ITPR1: variants seen among roughly 807,000 people sequenced by gnomAD.
The protein encoded by ITPR1 is inositol 1,4,5-trisphosphate-gated calcium channel ITPR1.
Under a neutral mutation model 318.4 loss-of-function variants are expected in ITPR1, and 96 were observed. The ratio of observed to expected loss-of-function variants is 0.30; its 90% CI spans 0.26 to 0.36. ITPR1 has a LOEUF of 0.36. Ranked by LOEUF, ITPR1 falls within the 10% of genes least tolerant of loss-of-function variation. ITPR1 has a pLI of 1.00. For synonymous variants in ITPR1, 1,312 were observed against 1,289.9 expected (o/e 1.02, Z -0.37); for missense variants, 2,440 against 3,460.2 (o/e 0.71, Z 7.40).
chr3:4,547,682 C>A (rs1358873203), intron 4 of ITPR1, among the ~76,000 whole-genome samples: 1 of 152,156 alleles, frequency 6.6e-6, no homozygotes, highest in Non-Finnish European at 1.5e-5. Flanking sequence ...TTAGGAGTCT[C>A]GTAGGCACAT....
chr3:4,715,862 A>G (rs2041728091), intron 39 of ITPR1, among the ~76,000 whole-genome samples: 1 of 152,154 alleles, frequency 6.6e-6, no homozygotes, highest in African/African-American at 2.4e-5. Context: ...CAAAACAACA[A>G]CGACAACAAA....
Position 4,788,106 on chromosome 3 carries a change from T to C in ITPR1, c.6775T>C (p.Phe2259Leu), listed in dbSNP as rs1331712261. ...NDFFLRSEDL[F>L]NEMNWQKKLR... ...TTTCTTTCTGCGGTCTGAAGACCTCTTCAATGAAATGAATTGGCAGAAGAA... is the reference window on the plus strand; with the variant it reads ...TTTCTTTCTGCGGTCTGAAGACCTCCTCAATGAAATGAATTGGCAGAAGAA... The change falls in exon 52 of 62, where the codon TTC becomes CTC. Residue 2259 changes from phenylalanine to leucine, a missense_variant. Phe to Leu is a conservative substitution (Grantham distance 22, BLOSUM62 0). Coordinates refer to ENST00000649015, the MANE Select transcript of ITPR1 (RefSeq NM_001378452.1). 1 of 1,607,802 alleles carries C rather than the reference T, an allele frequency of 6.2e-7. No individual in the cohort carries two copies. Among genetic ancestry groups the C allele is most frequent in the South Asian group, 1.1e-5 (1 of 89,486 alleles).
At chr3:4,727,296 T>C in intron 42 of ITPR1, 123 bp downstream of exon 42, 1 of 646,312 alleles carries the variant, frequency 1.5e-6, no homozygotes, top group Non-Finnish European at 2.6e-6. Flanking sequence ...ATTAATTGAC[T>C]CAAGAGCAAT....
At chr3:4,681,523 G>A (rs574461449) in intron 26 of ITPR1, 105 bp downstream of exon 26, 13 of 799,914 alleles carry the variant, frequency 1.6e-5, no homozygotes, top group Non-Finnish European at 2.5e-5. Flanking sequence ...CTGGGCTTAG[G>A]TTGTTTTGGT....
rs569391787 is a variant in ITPR1 at position 4,774,146 on chromosome 3, A to G, written c.5980-1096A>G. Among the ~76,000 whole-genome samples, 4 of 152,370 alleles carry G rather than the reference A, an allele frequency of 2.6e-5. No homozygotes were observed. The East Asian group carries it at 7.7e-4, about 29-fold the overall frequency. On this transcript the variant is annotated intron_variant, in intron 46 of 61. Transcript: ENST00000649015. Reference sequence around the variant, plus strand: ...GGGAACATTTGTTACATATTAATCTATATGCCTTTTTGAAAAAACTTGACA... The same window carrying G: ...GGGAACATTTGTTACATATTAATCTGTATGCCTTTTTGAAAAAACTTGACA...
chr3:4,635,547 G>A lies in ITPR1; in HGVS notation c.280-3837G>A, dbSNP rs555265103. On this transcript the variant is annotated intron_variant, in intron 5 of 61. Transcript: ENST00000649015. ...TTTTTAGTAGAGACGGGGTTTCCCT[G>A]TGTTAGCCAGGATGGTCTCGATCTC... 1.1e-4 allele frequency among the ~76,000 whole-genome samples: 17 copies of A among 151,850 alleles called. No homozygotes were observed. The East Asian group carries it at 2.1e-3, about 19-fold the overall frequency.
intron 42 of ITPR1, among the ~76,000 whole-genome samples, chr3:4,732,791 G>T (rs2043016960): frequency 6.6e-6 from 1 of 152,158 alleles, no homozygotes; most frequent in Non-Finnish European, 1.5e-5. Context: ...TTACCCCAAA[G>T]AGATTTTTGT....
Position 4,658,171 on chromosome 3 carries a change from A to C in ITPR1, c.1044A>C (p.Gln348His). 6.2e-7 allele frequency: 1 copy of C among 1,613,490 alleles called. No individual in the cohort carries two copies. Among genetic ancestry groups the C allele is most frequent in the African/African-American group, 1.3e-5 (1 of 75,032 alleles). ...CTCGAAGTAGGTTGCGGAATGCCCA[A>C]GAAAAGATGGTATACTCCCTGGTCT... ...DASRSRLRNAQEKMVYSLVSV... is the reference protein window; with the variant it reads ...DASRSRLRNAHEKMVYSLVSV... The change falls in exon 13 of 62, where the codon CAA (glutamine) becomes CAC (histidine). Residue 348 changes from glutamine (Q) to histidine (H), a missense_variant. By Grantham distance (24) the Gln-to-His change is conservative. Around this residue, in one of 23 missense-constraint regions of ITPR1, gnomAD observed 101 missense variants for 119.6 expected, o/e 0.84. Transcript: ENST00000649015.
At chr3:4,580,331 A>C (rs1471916147) in intron 4 of ITPR1, among the ~76,000 whole-genome samples, 2 of 152,214 alleles carry the variant, frequency 1.3e-5, no homozygotes, top group African/African-American at 2.4e-5. Context: ...TTTAGGTTCG[A>C]TAAGGATTGT....
intron 4 of ITPR1, among the ~76,000 whole-genome samples, chr3:4,624,589 G>C (rs892207441): frequency 6.9e-5 from 10 of 145,370 alleles, no homozygotes; most frequent in African/African-American, 2.6e-4. Flanking sequence ...AGAATCACTT[G>C]AACCCGGGAG....
At chr3:4,762,155 G>A (rs550650374) in intron 44 of ITPR1, among the ~76,000 whole-genome samples, 3 of 152,196 alleles carry the variant, frequency 2.0e-5, no homozygotes, top group South Asian at 2.1e-4. Context: ...TTCTTTCTTC[G>A]GGGGTACCTT....
chr3:4,727,273 A>T, intron 42 of ITPR1, 100 bp downstream of exon 42: 2 of 830,974 alleles, frequency 2.4e-6, no homozygotes, highest in South Asian at 4.0e-5. Context: ...TTTGTTGTTG[A>T]TATTGTTAAA....
chr3:4,733,056 G>GA, intron 42 of ITPR1, 32 bp from the exon 43 acceptor site: 1 of 1,601,766 alleles, frequency 6.2e-7, no homozygotes. Flanking sequence ...ATTAAATGCA[G>GA]AAGCTGATTT....
At chr3:4,557,259 T>C (rs977498339) in intron 4 of ITPR1, among the ~76,000 whole-genome samples, 1 of 152,188 alleles carries the variant, frequency 6.6e-6, no homozygotes, top group African/African-American at 2.4e-5. Context: ...ACATCTTACA[T>C]GGTGGCAGGC....
At chr3:4,713,466 G>C (rs1226896369) in intron 39 of ITPR1, among the ~76,000 whole-genome samples, 1 of 152,150 alleles carries the variant, frequency 6.6e-6, no homozygotes, top group Admixed American at 6.5e-5. Context: ...CTGGAACGTA[G>C]AAGCATTGTC....
At chr3:4,795,291 C>T (rs545314170) in intron 53 of ITPR1, 104 bp downstream of exon 53, 114 of 988,788 alleles carry the variant, frequency 1.2e-4, no homozygotes, top group Middle Eastern at 1.1e-3. Context: ...TACTGGGGAT[C>T]CCAGTTATCC....
chr3:4,683,967 C>A (rs997081360), intron 28 of ITPR1, among the ~76,000 whole-genome samples, 169 bp downstream of exon 28: 1 of 152,156 alleles, frequency 6.6e-6, no homozygotes, highest in Non-Finnish European at 1.5e-5. Context: ...AGCTACGAAT[C>A]AAAGTTTAGC....
intron 4 of ITPR1, among the ~76,000 whole-genome samples, chr3:4,559,164 GT>G (rs5846326): frequency 0.61 from 90,710 of 147,874 alleles, 27,764 homozygotes; most frequent in African/African-American, 0.68. Flanking sequence ...TGAAAAAGTT[GT>G]TTTTTTTTTT....
intron 4 of ITPR1, among the ~76,000 whole-genome samples, chr3:4,539,048 T>G (rs1346898480): frequency 1.3e-5 from 2 of 152,166 alleles, no homozygotes; most frequent in South Asian, 4.1e-4. Flanking sequence ...TTTAAAAAAT[T>G]TATATGTATG....
Sources: allele counts gnomAD v4.1 joint callset (sites outside exome capture counted in the v4.1 genomes callset), GRCh38; gene constraint gnomAD v4.1.1; regional missense constraint gnomAD v4.1.1; transcripts MANE v1.5; gene names NCBI Gene and HGNC (gene_info 2026-07-23, HGNC 2026-07-21).